GRID2: variants seen among roughly 807,000 people sequenced by gnomAD.
GRID2 encodes glutamate receptor ionotropic, delta-2.
In GRID2, 33 loss-of-function variants were observed where a neutral mutation model predicts 114.8. The observed-to-expected ratio is 0.29, with a 90% CI of 0.22 to 0.38. The LOEUF (loss-of-function observed/expected upper bound fraction) is 0.38, where lower values mean the gene tolerates loss of function less well. GRID2 is among the 10% of genes least tolerant of loss of function. The probability of loss-of-function intolerance (pLI) is 1.00; values close to 1 mark genes in which losing one functional copy is unlikely to be tolerated. For missense variants in GRID2, 1,184 were observed against 1,257.7 expected (o/e 0.94, Z 0.89); for synonymous variants, 505 against 449.9 (o/e 1.12, Z -1.55).
At chr4:93,608,409 C>A (rs1232263201) in intron 13 of GRID2, among the ~76,000 whole-genome samples, 3 of 143,612 alleles carry the variant, frequency 2.1e-5, no homozygotes, top group Admixed American at 6.9e-5. Flanking sequence ...GCGCTGCACC[C>A]ACTAACGTGT....
At chr4:92,666,730 C>T (rs563552528) in intron 2 of GRID2, among the ~76,000 whole-genome samples, 88 of 138,202 alleles carry the variant, frequency 6.4e-4, no homozygotes, top group African/African-American at 2.2e-3. Context: ...CTAATTTTCC[C>T]GTATTTTCAG....
intron 6 of GRID2, among the ~76,000 whole-genome samples, chr4:93,218,986 C>A (rs1261225162): frequency 1.3e-5 from 2 of 152,108 alleles, no homozygotes; most frequent in African/African-American, 4.8e-5. Flanking sequence ...GATGACCTCC[C>A]ACCAGGTCCC....
chr4:93,633,540 T>G (rs1721136691), intron 14 of GRID2, among the ~76,000 whole-genome samples: 1 of 152,108 alleles, frequency 6.6e-6, no homozygotes, highest in Admixed American at 6.6e-5. Context: ...ATAAAAGATC[T>G]ACTTAACTTT....
In GRID2 at chr4:93,178,727, A is replaced by G. The variant is rs191602011; in HGVS notation, c.736-28677A>G. ...AAGAAGAGAATGTTTTCTCTTCTGT[A>G]TGCGATGTGTGTGAATGTGTGTGTG... On this transcript the variant is annotated intron_variant, in intron 4 of 15. Coordinates refer to ENST00000282020, the MANE Select transcript of GRID2 (RefSeq NM_001510.4). Among the ~76,000 whole-genome samples the G allele has an allele frequency of 8.7e-4, 132 of 152,088 alleles. 1 individual carries two copies. Among genetic ancestry groups the G allele is most frequent in the African/African-American group, 3.1e-3 (130 of 41,498 alleles).
At chr4:93,304,499 G>A (rs1435069144) in intron 8 of GRID2, among the ~76,000 whole-genome samples, 1 of 151,796 alleles carries the variant, frequency 6.6e-6, no homozygotes, top group Non-Finnish European at 1.5e-5. Context: ...CAGAGCCTTT[G>A]ATAAGTACTT....
chr4:92,409,604 C>T (rs202215331), intron 1 of GRID2, among the ~76,000 whole-genome samples: 3 of 151,984 alleles, frequency 2.0e-5, no homozygotes, highest in Non-Finnish European at 4.4e-5. Flanking sequence ...GTAAAGGGAT[C>T]GGCTGCTGGT....
chr4:93,084,675 G>A (rs1405400715), intron 2 of GRID2, among the ~76,000 whole-genome samples: 2 of 152,138 alleles, frequency 1.3e-5, no homozygotes, highest in Non-Finnish European at 2.9e-5. Flanking sequence ...CATGTGAGAG[G>A]CAAATAACAG....
intron 1 of GRID2, among the ~76,000 whole-genome samples, chr4:92,551,254 CTGTGTG>C (rs34809917): frequency 6.2e-4 from 91 of 146,976 alleles, no homozygotes; most frequent in South Asian, 2.6e-3. Context: ...ACATCTACAC[CTGTGTG>C]TGTGTGTGTG....
intron 8 of GRID2, among the ~76,000 whole-genome samples, chr4:93,365,627 G>C (rs1762266061): frequency 6.6e-6 from 1 of 152,156 alleles, no homozygotes; most frequent in African/African-American, 2.4e-5. Flanking sequence ...TTGTGAAAGA[G>C]TGTAACTGAG....
intron 14 of GRID2, among the ~76,000 whole-genome samples, chr4:93,726,300 T>C (rs1335391167): frequency 1.3e-5 from 2 of 152,228 alleles, no homozygotes; most frequent in East Asian, 1.9e-4. Flanking sequence ...GTTGTAGATA[T>C]GCGGCATTAT....
At chr4:93,444,829 T>C (rs886272188) in intron 10 of GRID2, among the ~76,000 whole-genome samples, 2 of 152,036 alleles carry the variant, frequency 1.3e-5, no homozygotes, top group Admixed American at 1.3e-4. Flanking sequence ...AAAATGTACA[T>C]ACCTATGTAT....
intron 2 of GRID2, among the ~76,000 whole-genome samples, chr4:92,624,375 G>A (rs62307914): frequency 0.047 from 7,129 of 151,772 alleles, 209 homozygotes; most frequent in East Asian, 0.095. Flanking sequence ...CATAGCATTT[G>A]CAGTTATTGA....
intron 13 of GRID2, among the ~76,000 whole-genome samples, chr4:93,606,209 G>A (rs1740218723): frequency 6.6e-6 from 1 of 152,154 alleles, no homozygotes; most frequent in African/African-American, 2.4e-5. Flanking sequence ...AGAGACTGCA[G>A]TGAGCTGAGA....
At chr4:93,788,847 T>C (rs1027992749) in intron 1 of GRID2, among the ~76,000 whole-genome samples, 1 of 152,224 alleles carries the variant, frequency 6.6e-6, no homozygotes, top group African/African-American at 2.4e-5. Flanking sequence ...AACCAACTTT[T>C]GTTTTCTGTT....
At chr4:92,399,574 C>T (rs1730678168) in intron 1 of GRID2, among the ~76,000 whole-genome samples, 1 of 151,790 alleles carries the variant, frequency 6.6e-6, no homozygotes, top group Non-Finnish European at 1.5e-5. Flanking sequence ...TATAAAGATA[C>T]ACAATTAAGA....
intron 3 of GRID2, among the ~76,000 whole-genome samples, chr4:93,100,295 C>G (rs1185557301): frequency 2.0e-5 from 3 of 151,760 alleles, no homozygotes; most frequent in East Asian, 3.9e-4. Context: ...CAGTGATGGG[C>G]CACTGTTGCC....
chr4:93,363,698 T>C (rs1762082951), intron 8 of GRID2, among the ~76,000 whole-genome samples: 1 of 152,112 alleles, frequency 6.6e-6, no homozygotes, highest in Non-Finnish European at 1.5e-5. Flanking sequence ...TAACATGTAC[T>C]TAAATTAATA....
At chr4:92,868,014 G>C (rs1366844443) in intron 2 of GRID2, among the ~76,000 whole-genome samples, 1 of 145,514 alleles carries the variant, frequency 6.9e-6, no homozygotes, top group Non-Finnish European at 1.5e-5. Context: ...GATACTGAAA[G>C]GTTTTCTTTC....
chr4:93,377,865 T>C (rs185767332), intron 8 of GRID2, among the ~76,000 whole-genome samples: 1 of 152,002 alleles, frequency 6.6e-6, no homozygotes, highest in Non-Finnish European at 1.5e-5. Context: ...AAAAAAAAAA[T>C]GAATCTTCTG....
Sources: allele counts gnomAD v4.1 joint callset (sites outside exome capture counted in the v4.1 genomes callset), GRCh38; gene constraint gnomAD v4.1.1; transcripts MANE v1.5; gene names NCBI Gene and HGNC (gene_info 2026-07-23, HGNC 2026-07-21).